SLC28A3: variants seen among roughly 807,000 people sequenced by gnomAD.
The protein encoded by SLC28A3 is solute carrier family 28 member 3, also known as concentrative Na(+)-nucleoside cotransporter 3.
SLC28A3 carries 68 observed loss-of-function variants against 84.2 expected under a neutral mutation model. The ratio of observed to expected loss-of-function variants is 0.81; its 90% CI spans 0.66 to 0.99. The LOEUF (loss-of-function observed/expected upper bound fraction) is 0.99. SLC28A3 is among the 50% of genes least tolerant of loss of function. The pLI is 0.00. For missense variants in SLC28A3, 712 were observed against 841.5 expected (o/e 0.85, Z 1.90); for synonymous variants, 267 against 303.6 (o/e 0.88, Z 1.25).
chr9:84,338,265 T>C (rs1453196314), intron 1 of SLC28A3, among the ~76,000 whole-genome samples: 1 of 152,234 alleles, frequency 6.6e-6, no homozygotes, highest in Non-Finnish European at 1.5e-5. Context: ...CCTGGTGGCA[T>C]GTTAATGCAT....
At chr9:84,286,197 T>G in intron 12 of SLC28A3, 86 bp from the exon 13 acceptor site, 20 of 1,350,158 alleles carry the variant, frequency 1.5e-5, no homozygotes, top group Non-Finnish European at 2.0e-5. Context: ...TAATCAGAGC[T>G]TAGATAAGAG....
the SLC28A3 span, among the ~76,000 whole-genome samples, chr9:84,346,483 C>T: frequency 6.6e-6 from 1 of 152,154 alleles, no homozygotes; most frequent in Non-Finnish European, 1.5e-5. Flanking sequence ...TCCTGTCTTC[C>T]TCCCTGAAGA....
At chr9:84,311,387 A>C (rs1825982071) in intron 2 of SLC28A3, among the ~76,000 whole-genome samples, 2 of 151,972 alleles carry the variant, frequency 1.3e-5, no homozygotes, top group African/African-American at 4.8e-5. Flanking sequence ...CTATCAAATG[A>C]ACCCAGAGAA....
intron 4 of SLC28A3, 29 bp downstream of exon 4, chr9:84,305,225 T>C: frequency 1.4e-6 from 2 of 1,457,268 alleles, no homozygotes; most frequent in Non-Finnish European, 1.9e-6. Context: ...AAAAAGACAG[T>C]GGTATCCCTA....
the SLC28A3 span, among the ~76,000 whole-genome samples, chr9:84,353,605 G>A: frequency 6.6e-6 from 1 of 152,190 alleles, no homozygotes; most frequent in African/African-American, 2.4e-5. Flanking sequence ...AACTACTTGG[G>A]AGGCTGAGGC....
At chr9:84,347,893 TC>T in the SLC28A3 span, among the ~76,000 whole-genome samples, 2 of 152,136 alleles carry the variant, frequency 1.3e-5, no homozygotes, top group East Asian at 3.9e-4. Context: ...AAACTGAAAT[TC>T]CTACATTCCC....
the SLC28A3 span, among the ~76,000 whole-genome samples, chr9:84,350,387 G>A: frequency 6.6e-6 from 1 of 152,050 alleles, no homozygotes; most frequent in Non-Finnish European, 1.5e-5. Flanking sequence ...TTTGCAGTGA[G>A]CCAAGATTGC....
intron 1 of SLC28A3, among the ~76,000 whole-genome samples, chr9:84,334,948 C>T (rs1215552836): frequency 6.6e-6 from 1 of 152,090 alleles, no homozygotes; most frequent in Non-Finnish European, 1.5e-5. Flanking sequence ...TCTCCTGGTT[C>T]TGCTGCTCTT....
intron 10 of SLC28A3, 127 bp downstream of exon 10, chr9:84,292,540 TG>T: frequency 1.6e-6 from 1 of 643,182 alleles, no homozygotes; most frequent in African/African-American, 1.9e-5. Flanking sequence ...TTGCCAATAC[TG>T]GGGGTTTCTT....
chr9:84,307,448 A>AAAAAAACAT (rs1564161860), intron 3 of SLC28A3, among the ~76,000 whole-genome samples: 38 of 151,758 alleles, frequency 2.5e-4, no homozygotes, highest in African/African-American at 8.2e-4. Context: ...AAAAAAAACA[A>AAAAAAACAT]AAACAAAAAC....
intron 1 of SLC28A3, among the ~76,000 whole-genome samples, chr9:84,334,029 G>A (rs545967836): frequency 6.6e-6 from 1 of 152,368 alleles, no homozygotes; most frequent in Non-Finnish European, 1.5e-5. Flanking sequence ...TGATGGCCAG[G>A]CATGGTGGCT....
intron 2 of SLC28A3, among the ~76,000 whole-genome samples, chr9:84,310,076 A>G (rs1825940736): frequency 6.6e-6 from 1 of 152,194 alleles, no homozygotes; most frequent in South Asian, 2.1e-4. Context: ...CAGGAGCTGC[A>G]TAAATCTCCC....
rs1002801156 is a variant in SLC28A3 at position 84,275,851 on chromosome 9, C to A, written c.*2367G>T. 2.0e-5 allele frequency: 3 copies of A among 152,104 alleles called. No individual in the cohort carries two copies. 9.4% of individuals were successfully genotyped at this position (152,104 alleles called of 1,614,324 possible). A position where few individuals can be genotyped will look rare whatever the true frequency, so the allele number is the denominator to read the frequency against. ...CATTAATAAGGAATCAACGTAGGAC[C>A]TATGTGAACATGTTGCATTTATAAA... On this transcript the variant is annotated 3_prime_UTR_variant, in exon 18 of 18. Transcript: ENST00000376238.
At chr9:84,307,201 C>T (rs867656228) in intron 3 of SLC28A3, among the ~76,000 whole-genome samples, 4 of 149,780 alleles carry the variant, frequency 2.7e-5, no homozygotes, top group South Asian at 2.1e-4. Context: ...GAGGCCAAGG[C>T]GGGTGGATCA....
At chr9:84,309,523 C>CAAAAAAAAAAAAA (rs71366931) in intron 3 of SLC28A3, 106 bp downstream of exon 3, 10 of 239,276 alleles carry the variant, frequency 4.2e-5, no homozygotes, top group East Asian at 9.0e-5. Flanking sequence ...ACTCTTATCT[C>CAAAAAAAAAAAAA]AAAAAAAAAA....
chr9:84,278,385 T>C, intron 17 of SLC28A3, 41 bp from the exon 18 acceptor site: 4 of 1,611,530 alleles, frequency 2.5e-6, no homozygotes, highest in Admixed American at 3.4e-5. Context: ...GAGCCATAGA[T>C]GGCAGAAACA....
chr9:84,358,369 A>G, the SLC28A3 span, among the ~76,000 whole-genome samples: 1 of 152,034 alleles, frequency 6.6e-6, no homozygotes, highest in Non-Finnish European at 1.5e-5. Flanking sequence ...CTCCCCCAAC[A>G]ACCCCCACCT....
chr9:84,315,354 A>G (rs1391651743), intron 1 of SLC28A3, among the ~76,000 whole-genome samples: 1 of 152,240 alleles, frequency 6.6e-6, no homozygotes. Flanking sequence ...TCCCTCATTC[A>G]TACAACACAG....
At chr9:84,292,164 T>C (rs1825250429) in intron 10 of SLC28A3, among the ~76,000 whole-genome samples, 1 of 152,228 alleles carries the variant, frequency 6.6e-6, no homozygotes, top group Non-Finnish European at 1.5e-5. Flanking sequence ...AAAGGCTTTC[T>C]TGGTCTCCTC....
Sources: allele counts gnomAD v4.1 joint callset (sites outside exome capture counted in the v4.1 genomes callset), GRCh38; gene constraint gnomAD v4.1.1; transcripts MANE v1.5; gene names NCBI Gene and HGNC (gene_info 2026-07-23, HGNC 2026-07-21).